Variants in AEBP1 observed in about 807,000 individuals in gnomAD.
AEBP1 encodes AE binding protein 1.
AEBP1 carries 69 observed loss-of-function variants against 116.5 expected under a neutral mutation model. The ratio of observed to expected loss-of-function variants is 0.59; its 90% CI spans 0.49 to 0.72. The LOEUF is 0.72. Ranked by LOEUF, AEBP1 falls within the 30% of genes least tolerant of loss-of-function variation. The pLI, the probability that AEBP1 is intolerant of heterozygous loss-of-function variation, is 0.00. For synonymous variants in AEBP1, 627 were observed against 627.3 expected, an observed-to-expected ratio of 1.00 and a Z score of 0.01; for missense variants, 1,444 against 1,557.5, an observed-to-expected ratio of 0.93 and a Z score of 1.23.
At position 44,108,165 on chromosome 7, in the gene AEBP1, G is replaced by T. The variant is rs921867048; in HGVS notation, c.940+81G>T. ...GGGGTGTGGTCAGGAGCCAGCTGGG[G>T]CAACTCACCCACCTTGCAACCCCAC... is the stretch of plus-strand genomic sequence containing the variant. On this transcript the variant is annotated intron_variant, in intron 6 of 20. Coordinates refer to ENST00000223357, the MANE Select transcript of AEBP1 (RefSeq NM_001129.5). This position sits in a 1 kb window ranked among gnomAD's most constrained non-coding sequence, Gnocchi z 5.0. The T allele has an allele frequency of 2.2e-6, 3 of 1,391,442 alleles. No homozygotes were observed. The highest frequency in any genetic ancestry group is 3.0e-6 in the Non-Finnish European group (3 of 1,009,056). The allele number at this position is 1,391,442 out of a possible 1,614,324, so 86.2% of individuals were successfully genotyped here.
At chr7:44,109,856 TG>T in intron 9 of AEBP1, 158 bp from the exon 10 acceptor site, 1 of 643,178 alleles carries the variant, frequency 1.6e-6, no homozygotes, top group Non-Finnish European at 2.7e-6. Context: ...CGATTCCAGG[TG>T]GGCTGGTGCA....
chr7:44,106,842 C>G lies in AEBP1; in HGVS notation c.550C>G (p.Pro184Ala). ...CTCAGAAACCCTGGAGTGGCCACTG[C>G]CCCCACCCCCCAGCCCTGGCCCCGA... is the stretch of plus-strand genomic sequence containing the variant. Reference protein sequence around the residue: ...APSETLEWPLPPPPSPGPEEL... With the variant: ...APSETLEWPLAPPPSPGPEEL... Residue 184 changes from proline to alanine, a missense_variant, in exon 2 of 21, where the codon CCC becomes GCC. Pro to Ala is a conservative substitution (Grantham distance 27, BLOSUM62 -1). Coordinates refer to ENST00000223357, the MANE Select transcript of AEBP1 (RefSeq NM_001129.5). 2 of 1,603,632 alleles carry G rather than the reference C, an allele frequency of 1.2e-6. No individual in the cohort carries two copies. Among genetic ancestry groups the G allele is most frequent in the African/African-American group, 1.3e-5 (1 of 74,596 alleles).
chr7:44,106,559 G>T lies in AEBP1; in HGVS notation c.267G>T (p.Lys89Asn). 1 of 1,600,676 alleles carries T rather than the reference G, an allele frequency of 6.2e-7. No homozygotes were observed. Among genetic ancestry groups the T allele is most frequent in the Non-Finnish European group, 8.5e-7 (1 of 1,175,620 alleles). ...PGTAAEVPPEKTKDKGKKGKK... is the reference protein window; with the variant it reads ...PGTAAEVPPENTKDKGKKGKK... ...CATCTTGGACAGTGCCTCCGGAAAA[G>T]ACCAAAGACAAAGGGAAGAAAGGCA... The change falls in exon 2 of 21, where the codon AAG becomes AAT. Residue 89 changes from lysine to asparagine, a missense_variant. By Grantham distance (94) the Lys-to-Asn change is moderately conservative. Coordinates refer to ENST00000223357, the MANE Select transcript of AEBP1 (RefSeq NM_001129.5).
At chr7:44,107,000 A>C (rs1586045539) in intron 2 of AEBP1, 113 bp downstream of exon 2, 1 of 774,384 alleles carries the variant, frequency 1.3e-6, no homozygotes, top group Non-Finnish European at 2.0e-6. Flanking sequence ...TCAGCTCCCC[A>C]CTGGATGGGA....
chr7:44,109,526 GACC>G, intron 9 of AEBP1, 185 bp downstream of exon 9: 2 of 692,150 alleles, frequency 2.9e-6, no homozygotes, highest in Non-Finnish European at 2.3e-6. Context: ...CCCAGCCCTG[GACC>G]CCAGGCTGGC....
chr7:44,112,097 G>A lies in AEBP1; in HGVS notation c.2038-45G>A, dbSNP rs1282384238. The A allele has an allele frequency of 2.5e-6, 4 of 1,603,004 alleles. No individual in the cohort carries two copies. Among genetic ancestry groups the A allele is most frequent in the Non-Finnish European group, 2.6e-6 (3 of 1,171,712 alleles). On this transcript the variant is annotated intron_variant, in intron 16 of 20. Coordinates refer to ENST00000223357, the MANE Select transcript of AEBP1 (RefSeq NM_001129.5). The surrounding 1 kb of genome is among the most constrained non-coding windows in gnomAD (Gnocchi z 6.6). The stretch of plus-strand genomic sequence containing the variant: ...GCCAGGGTCCAGGCAGCTGGGGGTT[G>A]TGGGGGTGTGGGTAGCCGATGCCTA...
At position 44,108,175 on chromosome 7, in the gene AEBP1, C is replaced by T. The variant is rs1051772609; in HGVS notation, c.940+91C>T. The stretch of plus-strand genomic sequence containing the variant: ...CAGGAGCCAGCTGGGGCAACTCACC[C>T]ACCTTGCAACCCCACCTGTGCCCGT... On this transcript the variant is annotated intron_variant, in intron 6 of 20. Transcript: ENST00000223357. The surrounding 1 kb of genome is among the most constrained non-coding windows in gnomAD (Gnocchi z 5.0). The T allele has an allele frequency of 9.4e-6, 12 of 1,271,332 alleles. No individual in the cohort carries two copies. Among genetic ancestry groups the T allele is most frequent in the Non-Finnish European group, 1.0e-5 (9 of 902,642 alleles). 78.8% of individuals were successfully genotyped at this position (1,271,332 alleles called of 1,614,324 possible). A position where few individuals can be genotyped will look rare whatever the true frequency, so the allele number is the denominator to read the frequency against.
Position 44,111,103 on chromosome 7 carries a change from T to G in AEBP1, c.1630+46T>G. ...GGGGCTCTGAGTGGAGGTGGGGTGC[T>G]AGGGTGGGCCAGCCGGCACCCAGCT... On this transcript the variant is annotated intron_variant, in intron 13 of 20. Coordinates refer to ENST00000223357, the MANE Select transcript of AEBP1 (RefSeq NM_001129.5). The surrounding 1 kb of genome is among the most constrained non-coding windows in gnomAD (Gnocchi z 4.7). 6.3e-7 allele frequency: 1 copy of G among 1,587,904 alleles called. No individual in the cohort carries two copies. The highest frequency in any genetic ancestry group is 8.6e-7 in the Non-Finnish European group (1 of 1,164,088).
rs1443759613 is a variant in AEBP1 at position 44,104,375 on chromosome 7, G to A, written c.-291G>A. ...CGCTTTGGAGACGGCTATCCGCGCG[G>A]GAGTGCGCCACGCGGGGCCGGAGCG... On this transcript the variant is annotated 5_prime_UTR_variant, in exon 1 of 21. Coordinates refer to ENST00000223357, the MANE Select transcript of AEBP1 (RefSeq NM_001129.5). The A allele has an allele frequency of 3.7e-6, 1 of 271,466 alleles. No individual in the cohort carries two copies. The highest frequency in any genetic ancestry group is 6.9e-6 in the Non-Finnish European group (1 of 145,586). 16.8% of individuals were successfully genotyped at this position (271,466 alleles called of 1,614,324 possible). A position where few individuals can be genotyped will look rare whatever the true frequency, so the allele number is the denominator to read the frequency against.
In AEBP1 at chr7:44,111,290, G is replaced by GAGTGTGGAGTGT. The variant is rs2096229118; in HGVS notation, c.1716+51_1716+52insAGTGTGGAGTGT. The GAGTGTGGAGTGT allele has an allele frequency of 6.8e-7, 1 of 1,472,030 alleles. No individual in the cohort carries two copies. Among genetic ancestry groups the GAGTGTGGAGTGT allele is most frequent in the Non-Finnish European group, 9.0e-7 (1 of 1,105,914 alleles). The allele number at this position is 1,472,030 out of a possible 1,614,324, so 91.2% of individuals were successfully genotyped here. On this transcript the variant is annotated intron_variant, in intron 14 of 20. Transcript: ENST00000223357. This position sits in a 1 kb window ranked among gnomAD's most constrained non-coding sequence, Gnocchi z 4.7. ...GGGGTGGGACCTGTCTGTGGCTGAC[G>GAGTGTGGAGTGT]GGAGTGTGTGCCTGGTGCTTCTGTC...
Position 44,110,115 on chromosome 7 carries a change from C to T in AEBP1, c.1251C>T (p.Leu417=), listed in dbSNP as rs1275422662. The T allele has an allele frequency of 3.7e-6, 6 of 1,612,940 alleles. No homozygotes were observed. In the Admixed American group the frequency reaches 8.3e-5, roughly 22 times the overall value. ...RHGLGAQRGR[L]NMQTGATEDD... Reference sequence around the variant, plus strand: ...GCCTGGGGGCACAGCGCGGCCGGCTCAACATGCAGGTGGGCATTGGGATGG... The same window carrying T: ...GCCTGGGGGCACAGCGCGGCCGGCTTAACATGCAGGTGGGCATTGGGATGG... Residue 417 remains leucine (L), a synonymous_variant, in exon 10 of 21, where the codon CTC becomes CTT. Coordinates refer to ENST00000223357, the MANE Select transcript of AEBP1 (RefSeq NM_001129.5).
At position 44,113,981 on chromosome 7, in the gene AEBP1, A is replaced by C. The variant is rs201065802; in HGVS notation, c.3197A>C (p.Glu1066Ala). 1 of 1,613,820 alleles carries C rather than the reference A, an allele frequency of 6.2e-7. No individual in the cohort carries two copies. Among genetic ancestry groups the C allele is most frequent in the East Asian group, 2.2e-5 (1 of 44,854 alleles). Residue 1066 changes from glutamate to alanine, a missense_variant, in exon 21 of 21, where the codon GAG becomes GCG. Physicochemically the swap from Glu to Ala is moderately radical, Grantham distance 107 (BLOSUM62 -1). Coordinates refer to ENST00000223357, the MANE Select transcript of AEBP1 (RefSeq NM_001129.5). The surrounding 1 kb of genome is among the most constrained non-coding windows in gnomAD (Gnocchi z 5.3). ...GCCACCACCCTGAGCACTACCATAG[A>C]GCCCTGGGGCCTCATACCGCCAACC... The part of the protein sequence containing the change: ...APATTLSTTI[E>A]PWGLIPPTTA...
chr7:44,113,109 G>C lies in AEBP1; in HGVS notation c.2688G>C (p.Ala896=). 4 of 1,614,050 alleles carry C rather than the reference G, an allele frequency of 2.5e-6. No individual in the cohort carries two copies. The highest frequency in any genetic ancestry group is 3.4e-6 in the Non-Finnish European group (4 of 1,179,998). The change falls in exon 19 of 21, where the codon GCG becomes GCC. Residue 896 remains alanine, a synonymous_variant. Transcript: ENST00000223357. The surrounding 1 kb of genome is among the most constrained non-coding windows in gnomAD (Gnocchi z 5.3). ...GCGAGTGGGAGAACAACAAGGAGGC[G>C]CTGCTCACCTTCATGGAGCAGGTGG... ...LPREWENNKE[A]LLTFMEQVHR...
Position 44,113,389 on chromosome 7 carries a change from G to A in AEBP1, c.2809+38G>A, listed in dbSNP as rs754092089. 2 of 1,571,730 alleles carry A rather than the reference G, an allele frequency of 1.3e-6. No homozygotes were observed. Among genetic ancestry groups the A allele is most frequent in the Non-Finnish European group, 1.7e-6 (2 of 1,154,238 alleles). On this transcript the variant is annotated intron_variant, in intron 20 of 20. Transcript: ENST00000223357. This position sits in a 1 kb window ranked among gnomAD's most constrained non-coding sequence, Gnocchi z 5.3. ...CACACCTTTACCCCATCTTTCTGAG[G>A]GAGGACCCGCCAGAGAGGGTGGGGG...
chr7:44,113,966 T>C lies in AEBP1; in HGVS notation c.3182T>C (p.Leu1061Pro). 2 of 1,613,526 alleles carry C rather than the reference T, an allele frequency of 1.2e-6. No homozygotes were observed. The highest frequency in any genetic ancestry group is 1.7e-6 in the Non-Finnish European group (2 of 1,179,708). Residue 1061 changes from leucine to proline, a missense_variant, in exon 21 of 21, where the codon CTG (leucine) becomes CCG (proline). Transcript: ENST00000223357. This position sits in a 1 kb window ranked among gnomAD's most constrained non-coding sequence, Gnocchi z 5.3. ...CTGCCCCCTGCCCCTGCCACCACCC[T>C]GAGCACTACCATAGAGCCCTGGGGC... ...PTLPPAPATT[L>P]STTIEPWGLI...
chr7:44,104,707 G>C lies in AEBP1; in HGVS notation c.42G>C (p.Leu14=). 1 of 1,607,134 alleles carries C rather than the reference G, an allele frequency of 6.2e-7. No homozygotes were observed. Among genetic ancestry groups the C allele is most frequent in the Non-Finnish European group, 8.5e-7 (1 of 1,177,818 alleles). ...VRGAPLLSCL[L]ALLALCPGGR... is the part of the protein sequence containing the mutation. The stretch of plus-strand genomic sequence containing the variant: ...GGGCGCCCCTGCTCAGCTGCCTCCT[G>C]GCGTTGCTGGCCCTGTGCCCTGGAG... Residue 14 remains leucine (L), a synonymous_variant, in exon 1 of 21, where the codon CTG becomes CTC. Coordinates refer to ENST00000223357, the MANE Select transcript of AEBP1 (RefSeq NM_001129.5).
intron 11 of AEBP1, 143 bp downstream of exon 11, chr7:44,110,489 C>G (rs1001386189): frequency 7.8e-7 from 1 of 1,283,136 alleles, no homozygotes; most frequent in African/African-American, 1.5e-5. Context: ...CTCACCCTGC[C>G]CATCCCCACT....
In AEBP1 at chr7:44,110,122, C is replaced by G. The variant is rs1317579397; in HGVS notation, c.1258C>G (p.Gln420Glu). The change falls in exon 10 of 21, where the codon CAG becomes GAG. Residue 420 changes from glutamine to glutamate, a missense_variant and splice_region_variant. Transcript: ENST00000223357. ...LGAQRGRLNMQTGATEDDYYD... is the reference protein window; with the variant it reads ...LGAQRGRLNMETGATEDDYYD... ...GGCACAGCGCGGCCGGCTCAACATGCAGGTGGGCATTGGGATGGGCCCATC... is the reference window on the plus strand; with the variant it reads ...GGCACAGCGCGGCCGGCTCAACATGGAGGTGGGCATTGGGATGGGCCCATC... 5.0e-6 allele frequency: 8 copies of G among 1,613,028 alleles called. No individual in the cohort carries two copies. The highest frequency in any genetic ancestry group is 6.8e-6 in the Non-Finnish European group (8 of 1,179,988).
Position 44,111,952 on chromosome 7 carries a change from C to T in AEBP1, c.1939C>T (p.Arg647Cys). 1.9e-6 allele frequency: 3 copies of T among 1,613,840 alleles called. No homozygotes were observed. Among genetic ancestry groups the T allele is most frequent in the South Asian group, 2.2e-5 (2 of 91,080 alleles). Residue 647 changes from arginine to cysteine, a missense_variant, in exon 16 of 21, where the codon CGC becomes TGC. Physicochemically the swap from Arg to Cys is radical, Grantham distance 180 (BLOSUM62 -3). Transcript: ENST00000223357. The surrounding 1 kb of genome is among the most constrained non-coding windows in gnomAD (Gnocchi z 4.7). ...CATGCAGTACCTGTGCCGAGAGTAC[C>T]GCGATGGGAACCCACGTGTGCGCAG... Reference protein sequence around the residue: ...LLMQYLCREYRDGNPRVRSLV... With the variant: ...LLMQYLCREYCDGNPRVRSLV...
Sources: allele counts gnomAD v4.1 joint callset, GRCh38; gene constraint gnomAD v4.1.1; non-coding constraint Gnocchi (gnomAD v3.1); transcripts MANE v1.5; gene names NCBI Gene and HGNC (gene_info 2026-07-23, HGNC 2026-07-21).